Variants in CHST9 observed in about 807,000 individuals in gnomAD.
CHST9 encodes the protein GalNAc-4-sulfotransferase 2.
CHST9 carries 41 observed loss-of-function variants against 44.4 expected under a neutral mutation model. The observed-to-expected ratio is 0.92, with a 90% CI of 0.72 to 1.20. CHST9 has a LOEUF of 1.20. Ranked by LOEUF, CHST9 falls within the 50% of genes most tolerant of loss-of-function variation. The probability of loss-of-function intolerance (pLI) is 0.00; values close to 1 mark genes in which losing one functional copy is unlikely to be tolerated. For synonymous variants in CHST9, 171 were observed against 178.4 expected (o/e 0.96, Z 0.33); for missense variants, 504 against 516.5 (o/e 0.98, Z 0.23).
chr18:26,953,497 T>C (rs973329639), intron 4 of CHST9, among the ~76,000 whole-genome samples: 2 of 152,022 alleles, frequency 1.3e-5, no homozygotes, highest in Non-Finnish European at 2.9e-5. Context: ...AATTGGAGAA[T>C]ATCTAGGAGG....
chr18:27,037,261 A>G (rs1403421497), intron 3 of CHST9, among the ~76,000 whole-genome samples: 1 of 152,202 alleles, frequency 6.6e-6, no homozygotes, highest in Non-Finnish European at 1.5e-5. Context: ...CAGAAAAGAA[A>G]TCTTCCTTTG....
intron 5 of CHST9, chr18:26,928,504 T>A (rs2055817883): frequency 7.6e-6 from 1 of 132,280 alleles, no homozygotes; most frequent in Non-Finnish European, 1.7e-5. Context: ...TTTAGGACAA[T>A]GTCATCATTT....
At chr18:26,990,711 G>A (rs1246248823) in intron 4 of CHST9, among the ~76,000 whole-genome samples, 1 of 152,148 alleles carries the variant, frequency 6.6e-6, no homozygotes, top group Non-Finnish European at 1.5e-5. Flanking sequence ...CATGCACCCT[G>A]CAGAATCTGT....
chr18:27,181,444 G>A (rs1249002610), intron 1 of CHST9, among the ~76,000 whole-genome samples: 4 of 152,156 alleles, frequency 2.6e-5, no homozygotes, highest in African/African-American at 9.7e-5. Context: ...GATGAAATGT[G>A]TTTTTGATTT....
intron 4 of CHST9, among the ~76,000 whole-genome samples, chr18:26,971,465 T>A (rs1598605726): frequency 6.6e-6 from 1 of 152,368 alleles, no homozygotes; most frequent in Admixed American, 6.5e-5. Context: ...GACTAGGTTG[T>A]GTTGCAATAA....
At chr18:27,082,632 G>A (rs2057971611) in intron 2 of CHST9, among the ~76,000 whole-genome samples, 1 of 152,200 alleles carries the variant, frequency 6.6e-6, no homozygotes, top group Admixed American at 6.5e-5. Context: ...CAATTTCTAA[G>A]TAAAACTCTT....
intron 2 of CHST9, among the ~76,000 whole-genome samples, chr18:27,110,840 C>G (rs1025751231): frequency 2.0e-5 from 3 of 152,180 alleles, no homozygotes; most frequent in Non-Finnish European, 4.4e-5. Flanking sequence ...GGTTTTGGAC[C>G]AGAAGCATCA....
chr18:26,939,481 C>T (rs2056049432), intron 5 of CHST9, among the ~76,000 whole-genome samples: 1 of 152,218 alleles, frequency 6.6e-6, no homozygotes, highest in Non-Finnish European at 1.5e-5. Flanking sequence ...ATCAGAATCA[C>T]ATATTGAGTT....
chr18:26,949,150 G>A (rs150260659), intron 4 of CHST9, among the ~76,000 whole-genome samples: 501 of 152,278 alleles, frequency 3.3e-3, no homozygotes, highest in Middle Eastern at 3.4e-3. Flanking sequence ...AGACAGCAAT[G>A]AGCATGTGCT....
rs2056698006 is a variant in CHST9, at chr18:26,982,050, A to C, written c.203-37684T>G. On this transcript the variant is annotated intron_variant, in intron 4 of 5. Coordinates refer to ENST00000618847, the MANE Select transcript of CHST9 (RefSeq NM_031422.6). ...TATTATGTTATTTTCCCTCCTTAAC[A>C]TCATTCAATGGCTTACAGCTGCCTT... Among the ~76,000 whole-genome samples, 7 of 152,310 alleles carry C rather than the reference A, an allele frequency of 4.6e-5. No homozygotes were observed. The South Asian group carries it at 1.5e-3, about 32-fold the overall frequency.
At chr18:27,085,893 A>G (rs760887184) in intron 2 of CHST9, among the ~76,000 whole-genome samples, 4 of 152,216 alleles carry the variant, frequency 2.6e-5, no homozygotes, top group Non-Finnish European at 5.9e-5. Context: ...GGTGGACTGG[A>G]TAAAGAAAAT....
chr18:27,017,973 T>G (rs1246769950), intron 4 of CHST9, among the ~76,000 whole-genome samples: 1 of 152,210 alleles, frequency 6.6e-6, no homozygotes, highest in East Asian at 1.9e-4. Context: ...TTTCCTTAGA[T>G]TAAGCCTCAA....
chr18:27,146,960 A>G (rs1353822029), intron 1 of CHST9, among the ~76,000 whole-genome samples: 1 of 152,236 alleles, frequency 6.6e-6, no homozygotes, highest in Non-Finnish European at 1.5e-5. Flanking sequence ...AATTGTGGCT[A>G]CAAACGGAAG....
intron 4 of CHST9, among the ~76,000 whole-genome samples, chr18:26,955,697 A>G (rs532465421): frequency 6.6e-6 from 1 of 152,294 alleles, no homozygotes; most frequent in Admixed American, 6.5e-5. Flanking sequence ...ACATCTGTCC[A>G]AATAAGGAAG....
intron 2 of CHST9, among the ~76,000 whole-genome samples, chr18:27,098,828 G>GAA (rs56011064): frequency 0.15 from 21,356 of 141,074 alleles, 1,702 homozygotes; most frequent in South Asian, 0.26. Flanking sequence ...CACAGAACTG[G>GAA]AAAAAAAAAA....
At chr18:27,131,576 C>T (rs1214543818) in intron 2 of CHST9, among the ~76,000 whole-genome samples, 1 of 151,978 alleles carries the variant, frequency 6.6e-6, no homozygotes, top group Non-Finnish European at 1.5e-5. Flanking sequence ...AACAAAAAAA[C>T]AAAAACTGAG....
intron 1 of CHST9, among the ~76,000 whole-genome samples, chr18:27,170,945 C>G (rs2058829261): frequency 6.6e-6 from 1 of 152,172 alleles, no homozygotes; most frequent in African/African-American, 2.4e-5. Flanking sequence ...CCTACTGAAA[C>G]TCAGAATAAC....
chr18:27,087,783 G>A (rs1285538072), intron 2 of CHST9, among the ~76,000 whole-genome samples: 1 of 152,162 alleles, frequency 6.6e-6, no homozygotes, highest in African/African-American at 2.4e-5. Context: ...GGAAGCTAAT[G>A]TATACAACAG....
intron 1 of CHST9, among the ~76,000 whole-genome samples, chr18:27,153,526 TTCTCTC>T (rs769722858): frequency 7.1e-6 from 1 of 140,778 alleles, no homozygotes; most frequent in Non-Finnish European, 1.5e-5. Flanking sequence ...CTCTCTGTCT[TTCTCTC>T]TCTCTCTCTC....
Sources: gnomAD v4.1 joint callset for allele counts (sites outside exome capture counted in the v4.1 genomes callset) on GRCh38, gnomAD v4.1.1 for gene constraint, MANE v1.5 for transcripts, NCBI Gene and HGNC (gene_info 2026-07-23, HGNC 2026-07-21) for gene names.